The following EFHC2 variants were observed in gnomAD, a reference collection of about 807,000 sequenced individuals.
The protein encoded by EFHC2 is EF-hand domain-containing family member C2.
A neutral mutation model predicts 52.7 loss-of-function variants in EFHC2; 18 were observed. That is an observed-to-expected ratio of 0.34 (90% CI 0.24 to 0.51). The LOEUF is 0.51. EFHC2 is among the 20% of genes least tolerant of loss of function. The pLI is 0.97. For missense variants in EFHC2, 513 were observed against 562.5 expected, an observed-to-expected ratio of 0.91 and a Z score of 0.89; for synonymous variants, 203 against 204.1, an observed-to-expected ratio of 0.99 and a Z score of 0.04.
intron 2 of EFHC2, among the ~76,000 whole-genome samples, chrX:44,301,994 T>C (rs2037872028): frequency 1.8e-5 from 2 of 112,152 alleles, no homozygotes; most frequent in South Asian, 7.3e-4. Context: ...CACAGAAGTT[T>C]TTGTGTGAAC....
At chrX:44,313,444 AAG>A (rs1480831107) in intron 1 of EFHC2, among the ~76,000 whole-genome samples, 1 of 111,718 alleles carries the variant, frequency 9.0e-6, no homozygotes, top group African/African-American at 3.3e-5. Context: ...AATACGAGCA[AAG>A]AGAGAGGCAT....
intron 2 of EFHC2, among the ~76,000 whole-genome samples, chrX:44,287,973 T>C (rs1313128352): frequency 3.6e-5 from 4 of 112,313 alleles, no homozygotes; most frequent in African/African-American, 1.3e-4. Flanking sequence ...TTTCAGTTGG[T>C]TTTTATTCAT....
intron 11 of EFHC2, among the ~76,000 whole-genome samples, chrX:44,229,047 C>A (rs2037254826): frequency 8.9e-6 from 1 of 112,140 alleles, no homozygotes; most frequent in South Asian, 3.6e-4. Context: ...CGGTCAGCCA[C>A]TGGATAGTCC....
intron 13 of EFHC2, among the ~76,000 whole-genome samples, chrX:44,175,278 C>G (rs2036777468): frequency 8.9e-6 from 1 of 111,914 alleles, no homozygotes; most frequent in South Asian, 3.7e-4. Flanking sequence ...CATTTAGACA[C>G]TGGTGGATGA....
intron 11 of EFHC2, among the ~76,000 whole-genome samples, chrX:44,195,632 G>T (rs2036959459): frequency 2.7e-5 from 3 of 111,403 alleles, no homozygotes; most frequent in South Asian, 7.5e-4. Flanking sequence ...GGACACCTGG[G>T]CTATGGCACA....
intron 14 of EFHC2, among the ~76,000 whole-genome samples, chrX:44,162,944 G>A (rs1215684541): frequency 8.9e-6 from 1 of 111,938 alleles, no homozygotes; most frequent in Admixed American, 9.5e-5. Context: ...AACCTGATGA[G>A]AGTCAATACT....
intron 2 of EFHC2, among the ~76,000 whole-genome samples, chrX:44,275,059 T>A (rs1046751924): frequency 6.3e-5 from 7 of 111,411 alleles, no homozygotes; most frequent in Non-Finnish European, 1.1e-4. Context: ...TTCTTGGCTG[T>A]CACCCACCTC....
At chrX:44,194,862 C>T (rs1055780219) in intron 11 of EFHC2, among the ~76,000 whole-genome samples, 3 of 111,204 alleles carry the variant, frequency 2.7e-5, no homozygotes, top group Admixed American at 9.6e-5. Context: ...CCAATTTGTA[C>T]TGAGCTCATT....
chrX:44,171,879 C>T (rs2036748410), intron 13 of EFHC2, among the ~76,000 whole-genome samples: 1 of 109,923 alleles, frequency 9.1e-6, no homozygotes, highest in South Asian at 3.9e-4. Flanking sequence ...AAGGGAGAGA[C>T]AGAGAGACAG....
intron 7 of EFHC2, among the ~76,000 whole-genome samples, chrX:44,247,123 A>C (rs1192892032): frequency 8.9e-6 from 1 of 112,222 alleles, no homozygotes; most frequent in Admixed American, 9.4e-5. Flanking sequence ...AGAAAATAAA[A>C]AGAGGCCACC....
chrX:44,192,585 C>T (rs2036930325), intron 11 of EFHC2, among the ~76,000 whole-genome samples: 1 of 111,215 alleles, frequency 9.0e-6, no homozygotes, highest in South Asian at 3.8e-4. Context: ...TTTTTTTAAA[C>T]GATCTTTGAT....
intron 2 of EFHC2, among the ~76,000 whole-genome samples, chrX:44,283,532 C>CTTTTT (rs3049061): frequency 0.093 from 8,203 of 88,339 alleles, 685 homozygotes; most frequent in African/African-American, 0.17. Context: ...ACGGAAGTAC[C>CTTTTT]TTTTTTTTTT....
intron 2 of EFHC2, among the ~76,000 whole-genome samples, chrX:44,292,624 G>A (rs1045207846): frequency 9.0e-6 from 1 of 111,682 alleles, no homozygotes; most frequent in African/African-American, 3.3e-5. Context: ...GTTTGGATCT[G>A]TGTACCCACC....
At chrX:44,278,096 C>T (rs773220836) in intron 2 of EFHC2, among the ~76,000 whole-genome samples, 5 of 112,122 alleles carry the variant, frequency 4.5e-5, no homozygotes, top group Non-Finnish European at 7.5e-5. Flanking sequence ...CAGATCTGGC[C>T]GGGCGCAATG....
intron 11 of EFHC2, among the ~76,000 whole-genome samples, chrX:44,220,343 A>C (rs1453199488): frequency 8.9e-6 from 1 of 111,876 alleles, no homozygotes; most frequent in African/African-American, 3.2e-5. Context: ...AGTGCTAGCC[A>C]ATAAATTGAG....
intron 7 of EFHC2, among the ~76,000 whole-genome samples, chrX:44,247,676 C>G (rs2037410835): frequency 9.0e-6 from 1 of 111,574 alleles, no homozygotes; most frequent in Non-Finnish European, 1.9e-5. Flanking sequence ...CCCCTTCCAG[C>G]CTAGAAACCT....
intron 5 of EFHC2, among the ~76,000 whole-genome samples, chrX:44,249,543 A>G (rs1479885369): frequency 9.0e-6 from 1 of 110,529 alleles, no homozygotes. Context: ...ATTAAGGGGC[A>G]GACTCACAAC....
intron 2 of EFHC2, among the ~76,000 whole-genome samples, chrX:44,287,524 C>A: frequency 8.9e-6 from 1 of 111,931 alleles, no homozygotes; most frequent in Non-Finnish European, 1.9e-5. Flanking sequence ...TTTACTTATT[C>A]CATGAGTGAG....
At position 44,307,018 on chromosome X, in the gene EFHC2, A is replaced by G. The variant is rs188789499; in HGVS notation, c.231+5550T>C. 1.7e-4 allele frequency among the ~76,000 whole-genome samples: 19 copies of G among 111,470 alleles called. No homozygotes were observed. The East Asian group carries it at 5.1e-3, about 30-fold the overall frequency. ...GACCTTTTTTTACCCTTGATAAATCAGTTATTAGCTGCCCCCTCTTAGGGG... is the reference window on the plus strand; with the variant it reads ...GACCTTTTTTTACCCTTGATAAATCGGTTATTAGCTGCCCCCTCTTAGGGG... On this transcript the variant is annotated intron_variant, in intron 2 of 14. Coordinates refer to ENST00000420999, the MANE Select transcript of EFHC2 (RefSeq NM_025184.4).
Sources: gnomAD v4.1 joint callset for allele counts (sites outside exome capture counted in the v4.1 genomes callset) on GRCh38, gnomAD v4.1.1 for gene constraint, MANE v1.5 for transcripts, NCBI Gene and HGNC (gene_info 2026-07-23, HGNC 2026-07-21) for gene names.